ALOX5: variants seen among roughly 807,000 people sequenced by gnomAD.
The protein encoded by ALOX5 is polyunsaturated fatty acid 5-lipoxygenase.
Under a neutral mutation model 87.9 loss-of-function variants are expected in ALOX5, and 64 were observed. That is an observed-to-expected ratio of 0.73 (90% CI 0.60 to 0.90). ALOX5 has a LOEUF of 0.90. Among genes scored for constraint, ALOX5 ranks in the 40% least tolerant of loss-of-function variants. The pLI is 0.00. For missense variants in ALOX5, 822 were observed against 907.5 expected (o/e 0.91, Z 1.21); for synonymous variants, 388 against 355.1 (o/e 1.09, Z -1.04).
intron 12 of ALOX5, 35 bp from the exon 13 acceptor site, chr10:45,444,081 G>T: frequency 6.6e-7 from 1 of 1,504,766 alleles, no homozygotes. Context: ...CAGGGCTTCG[G>T]GGGTGCCCAC....
chr10:45,416,138 G>T (rs948829923), intron 4 of ALOX5, among the ~76,000 whole-genome samples: 10 of 152,170 alleles, frequency 6.6e-5, no homozygotes, highest in South Asian at 2.1e-4. Flanking sequence ...TAAACATTGT[G>T]TCGGTGTTTT....
intron 2 of ALOX5, among the ~76,000 whole-genome samples, chr10:45,393,477 A>G (rs1438910153): frequency 5.9e-5 from 9 of 152,174 alleles, no homozygotes; most frequent in Non-Finnish European, 1.2e-4. Flanking sequence ...GCTATTTATG[A>G]CAAACCCACA....
At chr10:45,434,334 C>T (rs1415674597) in intron 7 of ALOX5, among the ~76,000 whole-genome samples, 6 of 152,214 alleles carry the variant, frequency 3.9e-5, no homozygotes, top group Admixed American at 1.3e-4. Context: ...GCTCAGCCTT[C>T]GCTAGCAGCC....
chr10:45,417,874 G>A (rs1373971308), intron 4 of ALOX5, among the ~76,000 whole-genome samples: 1 of 152,148 alleles, frequency 6.6e-6, no homozygotes, highest in Non-Finnish European at 1.5e-5. Context: ...CATGGGTGAG[G>A]GGCCCCTTCT....
intron 4 of ALOX5, among the ~76,000 whole-genome samples, chr10:45,416,915 T>A (rs1209704911): frequency 6.6e-6 from 1 of 151,100 alleles, no homozygotes; most frequent in East Asian, 1.9e-4. Context: ...TGGATGGAAG[T>A]ATAGACAGAG....
chr10:45,409,462 A>G (rs1185197465), intron 3 of ALOX5, among the ~76,000 whole-genome samples: 1 of 151,216 alleles, frequency 6.6e-6, no homozygotes, highest in African/African-American at 2.4e-5. Flanking sequence ...GTCTTTTTAC[A>G]CTCCAATTAT....
intron 3 of ALOX5, among the ~76,000 whole-genome samples, chr10:45,409,138 C>G (rs1483999366): frequency 6.6e-6 from 1 of 152,218 alleles, no homozygotes; most frequent in Admixed American, 6.5e-5. Flanking sequence ...AAACTGGGCT[C>G]AAGTAAGGCA....
chr10:45,393,200 C>T (rs1488884837), intron 2 of ALOX5, among the ~76,000 whole-genome samples: 3 of 152,104 alleles, frequency 2.0e-5, no homozygotes, highest in Non-Finnish European at 4.4e-5. Context: ...TGCAAAAATC[C>T]TCAATAAAAT....
In ALOX5 at chr10:45,374,377, G is replaced by C. The variant is rs532658793; in HGVS notation, c.98G>C (p.Ser33Thr). 103 of 1,558,406 alleles carry C rather than the reference G, an allele frequency of 6.6e-5. 1 individual carries two copies. The South Asian group carries it at 1.1e-3, about 17-fold the overall frequency. Residue 33 changes from serine (S) to threonine (T), a missense_variant, in exon 1 of 14, where the codon AGC (serine) becomes ACC (threonine). Ser to Thr is a moderately conservative substitution (Grantham distance 58). Coordinates refer to ENST00000374391, the MANE Select transcript of ALOX5 (RefSeq NM_000698.5). The stretch of plus-strand genomic sequence containing the variant: ...AGCCTCGTGGGCTCGGCGGGCTGCA[G>C]CGAGAAGCACCTGCTGGACAAGCCC... ...YLSLVGSAGCSEKHLLDKPFY... is the reference protein window; with the variant it reads ...YLSLVGSAGCTEKHLLDKPFY...
At position 45,444,827 on chromosome 10, in the gene ALOX5, T is replaced by G. The variant is rs73285327; in HGVS notation, c.1845+541T>G. 6.0e-3 allele frequency: 940 copies of G among 156,014 alleles called. 6 individuals carry two copies. The highest frequency in any genetic ancestry group is 0.021 in the African/African-American group (886 of 41,730). 9.7% of individuals were successfully genotyped at this position (156,014 alleles called of 1,614,324 possible). A position where few individuals can be genotyped will look rare whatever the true frequency, so the allele number is the denominator to read the frequency against. ...ATCCTTGTTTTTGTGGCTTTGCACA[T>G]GTGTTCAGTATGACCGCACACATTC... On this transcript the variant is annotated intron_variant, in intron 13 of 13. Transcript: ENST00000374391.
At chr10:45,392,885 C>G (rs1840343100) in intron 2 of ALOX5, among the ~76,000 whole-genome samples, 1 of 152,116 alleles carries the variant, frequency 6.6e-6, no homozygotes. Context: ...CACATACACC[C>G]TCCCAAGACT....
chr10:45,423,821 G>A (rs1841593331), intron 4 of ALOX5, among the ~76,000 whole-genome samples: 1 of 152,164 alleles, frequency 6.6e-6, no homozygotes, highest in South Asian at 2.1e-4. Flanking sequence ...GGCTATTCTG[G>A]AGGGTACTGG....
rs573579900 is a variant in ALOX5 at position 45,419,351 on chromosome 10, C to A, written c.555-4690C>A. On this transcript the variant is annotated intron_variant, in intron 4 of 13. Coordinates refer to ENST00000374391, the MANE Select transcript of ALOX5 (RefSeq NM_000698.5). ...ACGCTGGGCACGAAGGAGGCTGGGGCGAAGATGAGTCCAGGGGTTGGGTTG... is the reference window on the plus strand; with the variant it reads ...ACGCTGGGCACGAAGGAGGCTGGGGAGAAGATGAGTCCAGGGGTTGGGTTG... Among the ~76,000 whole-genome samples the A allele has an allele frequency of 1.2e-4, 19 of 152,070 alleles. No individual in the cohort carries two copies. The South Asian group carries it at 3.9e-3, about 32-fold the overall frequency.
At position 45,428,639 on chromosome 10, in the gene ALOX5, G is replaced by T. The variant is rs756403009; in HGVS notation, c.856G>T (p.Asp286Tyr). 6.2e-7 allele frequency: 1 copy of T among 1,614,142 alleles called. No homozygotes were observed. Among genetic ancestry groups the T allele is most frequent in the Non-Finnish European group, 8.5e-7 (1 of 1,180,022 alleles). The change falls in exon 7 of 14, where the codon GAC becomes TAC. Residue 286 changes from aspartate to tyrosine, a missense_variant. Physicochemically the swap from Asp to Tyr is radical, Grantham distance 160 (BLOSUM62 -3). Transcript: ENST00000374391. Reference sequence around the variant, plus strand: ...GCAGCAAGGGAACATTTTCATCGTGGACTTTGAGCTGCTGGATGGCATCGA... The same window carrying T: ...GCAGCAAGGGAACATTTTCATCGTGTACTTTGAGCTGCTGGATGGCATCGA... ...EVQQGNIFIV[D>Y]FELLDGIDAN...
chr10:45,384,833 C>CTATTATTATTATTATTATTATTAT (rs369749993), intron 2 of ALOX5, among the ~76,000 whole-genome samples: 7 of 149,156 alleles, frequency 4.7e-5, no homozygotes, highest in African/African-American at 1.7e-4. Flanking sequence ...AATTTGTGGC[C>CTATTATTATTATTATTATTATTAT]TATTATTATT....
chr10:45,441,314 C>T, intron 8 of ALOX5, 30 bp from the exon 9 acceptor site: 1 of 1,607,018 alleles, frequency 6.2e-7, no homozygotes. Context: ...ACTGGGCCCC[C>T]TCTGAGGCCT....
At chr10:45,404,043 C>G (rs1443090248) in intron 3 of ALOX5, among the ~76,000 whole-genome samples, 5 of 152,196 alleles carry the variant, frequency 3.3e-5, no homozygotes, top group South Asian at 4.1e-4. Flanking sequence ...TTAGACTTTG[C>G]TATCTACTCA....
chr10:45,390,899 A>T (rs1840197057), intron 2 of ALOX5, among the ~76,000 whole-genome samples: 1 of 152,166 alleles, frequency 6.6e-6, no homozygotes, highest in Non-Finnish European at 1.5e-5. Context: ...CAATGAGTCC[A>T]GGAGCTGATT....
intron 3 of ALOX5, among the ~76,000 whole-genome samples, chr10:45,398,122 A>G (rs927997310): frequency 6.6e-6 from 1 of 152,230 alleles, no homozygotes; most frequent in Admixed American, 6.5e-5. Context: ...ATTCAAGACA[A>G]TGTGATATCG....
Sources: allele counts gnomAD v4.1 joint callset (sites outside exome capture counted in the v4.1 genomes callset), GRCh38; gene constraint gnomAD v4.1.1; transcripts MANE v1.5; gene names NCBI Gene and HGNC (gene_info 2026-07-23, HGNC 2026-07-21).